UMODL1: variants seen among roughly 807,000 people sequenced by gnomAD.
The protein encoded by UMODL1 is uromodulin like 1.
In UMODL1, 128 loss-of-function variants were observed where a neutral mutation model predicts 136.3. That is an observed-to-expected ratio of 0.94 (90% CI 0.81 to 1.09). UMODL1 has a LOEUF of 1.09. Among genes scored for constraint, UMODL1 ranks in the 50% least tolerant of loss-of-function variants. The pLI is 0.00. For missense variants in UMODL1, 1,766 were observed against 1,725.6 expected, an observed-to-expected ratio of 1.02 and a Z score of -0.41; for synonymous variants, 721 against 720.0, an observed-to-expected ratio of 1.00 and a Z score of -0.02.
Position 42,122,635 on chromosome 21 carries a change from G to GTGTGTACGTGTGTGTGCATA in UMODL1, c.2828-190_2828-171dup, listed in dbSNP as rs2066989459. On this transcript the variant is annotated intron_variant, in intron 16 of 22. Transcript: ENST00000408910. The surrounding 1 kb of genome is among the most constrained non-coding windows in gnomAD (Gnocchi z 4.3). ...TGCGTGCATGTGTGTGCATGCACGT[G>GTGTGTACGTGTGTGTGCATA]TGTGTACGTGTGTGTGCATATGTGT... is the stretch of plus-strand genomic sequence containing the variant. Among the ~76,000 whole-genome samples, 1 of 149,750 alleles carries GTGTGTACGTGTGTGTGCATA rather than the reference G, an allele frequency of 6.7e-6. No homozygotes were observed. The highest frequency in any genetic ancestry group is 1.5e-5 in the Non-Finnish European group (1 of 67,512).
chr21:42,105,411 A>T (rs2066701107), intron 9 of UMODL1, among the ~76,000 whole-genome samples: 1 of 152,118 alleles, frequency 6.6e-6, no homozygotes, highest in African/African-American at 2.4e-5. Context: ...GCGATTCCAG[A>T]TCCCTGCCAA....
At chr21:42,118,494 A>G (rs374802342) in intron 14 of UMODL1, among the ~76,000 whole-genome samples, 13 of 152,328 alleles carry the variant, frequency 8.5e-5, no homozygotes, top group African/African-American at 3.1e-4. Flanking sequence ...CATGGAATCA[A>G]TCATATAGCG....
At chr21:42,138,872 G>A (rs1317864192) in intron 22 of UMODL1, among the ~76,000 whole-genome samples, 1 of 152,162 alleles carries the variant, frequency 6.6e-6, no homozygotes, top group African/African-American at 2.4e-5. Flanking sequence ...ACCGTGCCCG[G>A]CCAAATTTTG....
chr21:42,073,025 C>CGT (rs1191877304), intron 1 of UMODL1, among the ~76,000 whole-genome samples: 5 of 151,992 alleles, frequency 3.3e-5, no homozygotes, highest in East Asian at 1.9e-4. Context: ...TGTGTGTGCG[C>CGT]GCGCGCGTGT....
At chr21:42,078,040 G>C (rs902530803) in intron 2 of UMODL1, among the ~76,000 whole-genome samples, 2 of 152,188 alleles carry the variant, frequency 1.3e-5, no homozygotes, top group Non-Finnish European at 2.9e-5. Context: ...CAGGCAGAGA[G>C]AGGGCCTGAT....
At chr21:42,068,828 G>A (rs962092174), upstream of UMODL1, among the ~76,000 whole-genome samples, 8 of 152,218 alleles carry the variant, frequency 5.3e-5, no homozygotes, top group African/African-American at 1.4e-4. The surrounding 1 kb of genome is among the most constrained non-coding windows in gnomAD (Gnocchi z 5.5). Flanking sequence ...GAGTGTGGAT[G>A]TGTCTGTGTT....
upstream of UMODL1, among the ~76,000 whole-genome samples, chr21:42,067,982 G>C (rs1250062672): frequency 1.3e-5 from 2 of 152,236 alleles, no homozygotes; most frequent in African/African-American, 4.8e-5. Flanking sequence ...GTGTCTGTGT[G>C]AGTGAGGGAG....
intron 2 of UMODL1, 147 bp from the exon 3 acceptor site, chr21:42,083,937 T>A (rs2066392583): frequency 1.0e-6 from 1 of 962,966 alleles, no homozygotes; most frequent in South Asian, 1.7e-5. Context: ...GGGGTGGGTG[T>A]CTGCCCAGGC....
chr21:42,140,560 G>C lies in UMODL1; in HGVS notation c.*22-1536G>C, dbSNP rs551694035. 3.9e-5 allele frequency among the ~76,000 whole-genome samples: 6 copies of C among 152,312 alleles called. No individual in the cohort carries two copies. In the South Asian group the frequency reaches 1.2e-3, roughly 32 times the overall value. ...TTCTTACACTAGTGTTCACATGACT[G>C]ATGGACCCTTAGAACAATGCCCCTT... On this transcript the variant is annotated intron_variant, in intron 22 of 22. Transcript: ENST00000408910.
upstream of UMODL1, among the ~76,000 whole-genome samples, chr21:42,070,722 A>G (rs532918052): frequency 6.6e-6 from 1 of 152,336 alleles, no homozygotes; most frequent in East Asian, 1.9e-4. Context: ...TTCCCACTTT[A>G]AGTCATAATA....
intron 4 of UMODL1, 122 bp from the exon 5 acceptor site, chr21:42,088,172 T>C: frequency 9.6e-7 from 1 of 1,036,948 alleles, no homozygotes; most frequent in Non-Finnish European, 1.4e-6. Flanking sequence ...AGAGGTTCTT[T>C]GCTGAAGAGC....
At position 42,103,432 on chromosome 21, in the gene UMODL1, G is replaced by A. The variant is rs531030628; in HGVS notation, c.1300-436G>A. On this transcript the variant is annotated intron_variant, in intron 8 of 22. Coordinates refer to ENST00000408910, the MANE Select transcript of UMODL1 (RefSeq NM_001004416.3). ...GCCCTAAGCACCTGGCTCTGTGTGC[G>A]TGTTTTGTGTGGGATACAGCCTAGT... The A allele has an allele frequency of 5.6e-4, 196 of 347,736 alleles. 3 individuals carry two copies. The highest frequency in any genetic ancestry group is 4.1e-3 in the South Asian group (185 of 45,522). The allele number at this position is 347,736 out of a possible 1,614,324, so 21.5% of individuals were successfully genotyped here.
upstream of UMODL1, among the ~76,000 whole-genome samples, chr21:42,066,963 C>T (rs891965030): frequency 6.9e-6 from 1 of 144,484 alleles, no homozygotes; most frequent in Admixed American, 7.5e-5. Context: ...TTAGAGCACA[C>T]GTCTTTTTTC....
chr21:42,086,045 C>T (rs2066422926), intron 4 of UMODL1, among the ~76,000 whole-genome samples: 1 of 152,236 alleles, frequency 6.6e-6, no homozygotes, highest in African/African-American at 2.4e-5. Context: ...TGATTACCAA[C>T]CAGGATGTCT....
At chr21:42,117,705 C>T (rs1442245949) in intron 14 of UMODL1, among the ~76,000 whole-genome samples, 1 of 152,200 alleles carries the variant, frequency 6.6e-6, no homozygotes, top group Admixed American at 6.5e-5. Flanking sequence ...CCTTTGGGAA[C>T]GGCCTAGCTC....
At chr21:42,112,390 G>A (rs1461360772) in intron 12 of UMODL1, among the ~76,000 whole-genome samples, 1 of 149,488 alleles carries the variant, frequency 6.7e-6, no homozygotes, top group Non-Finnish European at 1.5e-5. Flanking sequence ...ACCCCCAGTT[G>A]TTCTGCATCT....
chr21:42,132,230 A>G (rs1281710721), intron 21 of UMODL1, among the ~76,000 whole-genome samples: 2 of 151,560 alleles, frequency 1.3e-5, no homozygotes, highest in Non-Finnish European at 2.9e-5. Flanking sequence ...TCATCCATCC[A>G]TCCATCTATC....
chr21:42,093,644 T>A (rs2146457289), intron 6 of UMODL1: 1 of 271,846 alleles, frequency 3.7e-6, no homozygotes, highest in African/African-American at 2.3e-5. Flanking sequence ...ACCAGGAACG[T>A]TCCCCTCCTA....
At position 42,109,555 on chromosome 21, in the gene UMODL1, C is replaced by G. The variant is rs1180900655; in HGVS notation, c.1520-7C>G. ...TCATGGGTTTTGATTGTGTCTCCCC[C>G]TGGCAGACTGGGACGAGTGTGTGGA... On this transcript the variant is annotated splice_region_variant and splice_polypyrimidine_tract_variant and intron_variant, in intron 9 of 22. Coordinates refer to ENST00000408910, the MANE Select transcript of UMODL1 (RefSeq NM_001004416.3). 1.2e-6 allele frequency: 2 copies of G among 1,610,396 alleles called. No homozygotes were observed. Among genetic ancestry groups the G allele is most frequent in the African/African-American group, 2.7e-5 (2 of 74,946 alleles).
Sources: allele counts gnomAD v4.1 joint callset (sites outside exome capture counted in the v4.1 genomes callset), GRCh38; gene constraint gnomAD v4.1.1; non-coding constraint Gnocchi (gnomAD v3.1); transcripts MANE v1.5; gene names NCBI Gene and HGNC (gene_info 2026-07-23, HGNC 2026-07-21).